ADAMTSL1: variants seen among roughly 807,000 people sequenced by gnomAD.
ADAMTSL1 encodes ADAMTS-like protein 1.
Under a neutral mutation model 201.8 loss-of-function variants are expected in ADAMTSL1, and 126 were observed. The observed-to-expected ratio is 0.62, with a 90% CI of 0.54 to 0.72. The LOEUF (loss-of-function observed/expected upper bound fraction) is 0.72, where lower values mean the gene tolerates loss of function less well. Among genes scored for constraint, ADAMTSL1 ranks in the 30% least tolerant of loss-of-function variants. The pLI is 0.00. For synonymous variants in ADAMTSL1, 1,121 were observed against 903.4 expected (o/e 1.24, Z -4.32); for missense variants, 2,679 against 2,277.8 (o/e 1.18, Z -3.59).
At chr9:18,581,563 A>G (rs983135394) in intron 4 of ADAMTSL1, among the ~76,000 whole-genome samples, 13 of 152,202 alleles carry the variant, frequency 8.5e-5, no homozygotes, top group African/African-American at 3.1e-4. Context: ...TCCAAATTCT[A>G]TCAGCTGAAT....
chr9:18,244,436 GA>G (rs1485677746), intron 2 of ADAMTSL1, among the ~76,000 whole-genome samples: 2 of 152,042 alleles, frequency 1.3e-5, no homozygotes, highest in Non-Finnish European at 2.9e-5. Flanking sequence ...CCAGAATCCA[GA>G]ATTTTCACAT....
intron 23 of ADAMTSL1, among the ~76,000 whole-genome samples, chr9:18,873,565 CCACTT>C (rs1827980733): frequency 6.6e-6 from 1 of 152,094 alleles, no homozygotes; most frequent in East Asian, 1.9e-4. Flanking sequence ...TGTCCTTTCC[CCACTT>C]TATGTTTTTG....
chr9:18,865,185 CCCCG>C (rs1201651713), intron 23 of ADAMTSL1, among the ~76,000 whole-genome samples: 5 of 151,904 alleles, frequency 3.3e-5, no homozygotes, highest in Non-Finnish European at 5.9e-5. Flanking sequence ...TGCTATCCCT[CCCCG>C]CTCCCCCCAC....
In ADAMTSL1 at chr9:17,911,853, A is replaced by G. The variant is rs1470711678; in HGVS notation, c.87+4931A>G. ...CTTCCCCCTCCCCCCACCCCACAAC[A>G]GTCCCTAGAGTGTGATGTTCCCCTT... On this transcript the variant is annotated intron_variant, in intron 1 of 29. Transcript: ENST00000680146. 4.6e-4 allele frequency among the ~76,000 whole-genome samples: 14 copies of G among 30,158 alleles called. 1 individual carries two copies. Among genetic ancestry groups the G allele is most frequent in the African/African-American group, 8.5e-4 (14 of 16,440 alleles). 19.8% of individuals were successfully genotyped at this position (30,158 alleles called of 152,430 possible).
chr9:17,977,280 A>G (rs1257542379), intron 1 of ADAMTSL1, among the ~76,000 whole-genome samples: 2 of 151,850 alleles, frequency 1.3e-5, no homozygotes, highest in African/African-American at 4.8e-5. Context: ...TTGGCCTATG[A>G]TTTTCTTTTC....
Position 18,777,862 on chromosome 9 carries a change from C to A in ADAMTSL1, c.3633C>A (p.Thr1211=). Residue 1211 remains threonine (T), a synonymous_variant, in exon 19 of 29, where the codon ACC becomes ACA. Coordinates refer to ENST00000380548, the MANE Select transcript of ADAMTSL1 (RefSeq NM_001040272.6). ...HCEAIGHPRP[T]ISWARNGEEV... Reference sequence around the variant, plus strand: ...AGGCCATCGGCCACCCAAGGCCTACCATCAGCTGGGCCAGGAATGGAGAAG... The same window carrying A: ...AGGCCATCGGCCACCCAAGGCCTACAATCAGCTGGGCCAGGAATGGAGAAG... 1 of 1,577,198 alleles carries A rather than the reference C, an allele frequency of 6.3e-7. No homozygotes were observed. The highest frequency in any genetic ancestry group is 1.3e-5 in the African/African-American group (1 of 74,210).
intron 5 of ADAMTSL1, among the ~76,000 whole-genome samples, chr9:18,630,181 GTT>G (rs1383902212): frequency 1.4e-4 from 22 of 152,252 alleles, no homozygotes; most frequent in Admixed American, 9.8e-4. Context: ...CCAAAGCCAT[GTT>G]TGGTCTAGAG....
In ADAMTSL1 at chr9:18,681,707, G is replaced by GGGGGGC. The variant is rs1830498499; in HGVS notation, c.1342-103_1342-102insGGGCGG. The GGGGGGC allele has an allele frequency of 5.4e-6, 4 of 739,844 alleles. 1 individual carries two copies. The South Asian group carries it at 1.2e-4, about 22-fold the overall frequency. The allele number at this position is 739,844 out of a possible 1,614,324, so 45.8% of individuals were successfully genotyped here. On this transcript the variant is annotated intron_variant, in intron 11 of 28. Coordinates refer to ENST00000380548, the MANE Select transcript of ADAMTSL1 (RefSeq NM_001040272.6). Reference sequence around the variant, plus strand: ...CCAGGAGTCCTCGTGTGGGGGGGGGGGGCGGGGAAAAAGAAAACTTAGATT... The same window carrying GGGGGGC: ...CCAGGAGTCCTCGTGTGGGGGGGGGGGGGGGCGGCGGGGAAAAAGAAAACTTAGATT...
At chr9:18,719,845 A>T (rs997184361) in intron 14 of ADAMTSL1, among the ~76,000 whole-genome samples, 1 of 152,194 alleles carries the variant, frequency 6.6e-6, no homozygotes, top group African/African-American at 2.4e-5. Flanking sequence ...GAAACACAGC[A>T]TACGTGGGAG....
chr9:18,099,141 G>A (rs1687430462), intron 1 of ADAMTSL1, among the ~76,000 whole-genome samples: 1 of 147,938 alleles, frequency 6.8e-6, no homozygotes, highest in African/African-American at 2.5e-5. Flanking sequence ...TTTGTTTTTG[G>A]TGCCCTTTAT....
Position 18,706,784 on chromosome 9 carries a change from T to C in ADAMTSL1, c.1612T>C (p.Cys538Arg). ...PEAWSACTVT[C>R]GVGTQVRIVR... ...GGCCTGGTCGGCCTGCACAGTCACC[T>C]GTGGTGTGGGGACCCAGGTGCGAAT... The change falls in exon 14 of 29, where the codon TGT becomes CGT. Residue 538 changes from cysteine to arginine, a missense_variant. Coordinates refer to ENST00000380548, the MANE Select transcript of ADAMTSL1 (RefSeq NM_001040272.6). 1 of 1,608,566 alleles carries C rather than the reference T, an allele frequency of 6.2e-7. No individual in the cohort carries two copies. Among genetic ancestry groups the C allele is most frequent in the East Asian group, 2.2e-5 (1 of 44,702 alleles).
chr9:18,061,282 C>G (rs1227141109), intron 1 of ADAMTSL1, among the ~76,000 whole-genome samples: 6 of 152,140 alleles, frequency 3.9e-5, no homozygotes, highest in African/African-American at 1.4e-4. Context: ...ATGAAATGCT[C>G]TGATGGTTAA....
rs948034386 is a variant in ADAMTSL1, at chr9:18,909,865, G to C, written c.*1317G>C. 3 of 152,264 alleles carry C rather than the reference G, an allele frequency of 2.0e-5. No homozygotes were observed. The highest frequency in any genetic ancestry group is 4.4e-5 in the Non-Finnish European group (3 of 68,094). 9.4% of individuals were successfully genotyped at this position (152,264 alleles called of 1,614,324 possible). A position where few individuals can be genotyped will look rare whatever the true frequency, so the allele number is the denominator to read the frequency against. On this transcript the variant is annotated 3_prime_UTR_variant, in exon 29 of 29. Coordinates refer to ENST00000380548, the MANE Select transcript of ADAMTSL1 (RefSeq NM_001040272.6). ...ACCCTGGCAAAGCAGCTCACACACT[G>C]CAGCCACACTCATCAGCTGTGGTGA...
chr9:18,329,046 C>A (rs917328228), intron 2 of ADAMTSL1, among the ~76,000 whole-genome samples: 2 of 152,062 alleles, frequency 1.3e-5, no homozygotes, highest in Admixed American at 1.3e-4. Flanking sequence ...AAGCTCATCC[C>A]CAGTGTGAGG....
chr9:18,011,419 C>A (rs7032079), intron 1 of ADAMTSL1, among the ~76,000 whole-genome samples: 41,586 of 151,824 alleles, frequency 0.27, 5,783 homozygotes, highest in South Asian at 0.3. Context: ...CTGTTTACCC[C>A]CTGCAAGTGG....
intron 2 of ADAMTSL1, among the ~76,000 whole-genome samples, chr9:18,251,104 A>G (rs1831449006): frequency 6.6e-6 from 1 of 152,190 alleles, no homozygotes; most frequent in South Asian, 2.1e-4. Context: ...AAACTAAAAA[A>G]AAGTATAATT....
intron 2 of ADAMTSL1, among the ~76,000 whole-genome samples, chr9:18,531,207 T>C (rs1458566941): frequency 6.6e-6 from 1 of 152,198 alleles, no homozygotes; most frequent in Admixed American, 6.5e-5. Flanking sequence ...AGAGTACTCA[T>C]GTCAGCATGG....
chr9:18,014,603 G>A (rs1294025224), intron 1 of ADAMTSL1, among the ~76,000 whole-genome samples: 1 of 152,024 alleles, frequency 6.6e-6, no homozygotes, highest in African/African-American at 2.4e-5. Flanking sequence ...AAGACTGCAG[G>A]CTGAAGTCTT....
At position 18,751,917 on chromosome 9, in the gene ADAMTSL1, C is replaced by T. The variant is rs1391400002; in HGVS notation, c.2007-1381C>T. ...CATCCCGGCTAAAACGGTGAAACCC[C>T]GTCTCTACTAAAAATACAAAAAAAT... On this transcript the variant is annotated intron_variant, in intron 15 of 28. Coordinates refer to ENST00000380548, the MANE Select transcript of ADAMTSL1 (RefSeq NM_001040272.6). 8.7e-4 allele frequency among the ~76,000 whole-genome samples: 3 copies of T among 3,432 alleles called. 1 individual carries two copies. Among genetic ancestry groups the T allele is most frequent in the Admixed American group, 1.6e-3 (1 of 640 alleles). The allele number at this position is 3,432 out of a possible 152,430, so 2.3% of individuals were successfully genotyped here.
Sources: allele counts gnomAD v4.1 joint callset (sites outside exome capture counted in the v4.1 genomes callset), GRCh38; gene constraint gnomAD v4.1.1; transcripts MANE v1.5; gene names NCBI Gene and HGNC (gene_info 2026-07-23, HGNC 2026-07-21).